PPP2R2B: variants seen among roughly 807,000 people sequenced by gnomAD.
PPP2R2B encodes protein phosphatase 2 regulatory subunit Bbeta, also known as serine/threonine-protein phosphatase 2A 55 kDa regulatory subunit B beta isoform.
In PPP2R2B, 5 loss-of-function variants were observed where a neutral mutation model predicts 46.0. The observed-to-expected ratio is 0.11, with a 90% CI of 0.06 to 0.23. PPP2R2B has a LOEUF of 0.23. Among genes scored for constraint, PPP2R2B ranks in the 10% least tolerant of loss-of-function variants. PPP2R2B has a pLI of 1.00. For synonymous variants in PPP2R2B, 215 were observed against 206.7 expected (o/e 1.04, Z -0.34); for missense variants, 367 against 575.0 (o/e 0.64, Z 3.70).
intron 2 of PPP2R2B, among the ~76,000 whole-genome samples, chr5:146,735,790 C>T (rs932260307): frequency 2.6e-5 from 4 of 152,144 alleles, no homozygotes; most frequent in Admixed American, 2.6e-4. Flanking sequence ...GATATAGCAG[C>T]AGGATCCTAC....
intron 1 of PPP2R2B, among the ~76,000 whole-genome samples, chr5:147,036,730 A>T (rs959329592): frequency 1.3e-5 from 2 of 152,090 alleles, no homozygotes; most frequent in Non-Finnish European, 2.9e-5. Flanking sequence ...ATGGTATTTC[A>T]TTGTGGTTTT....
At chr5:147,029,218 T>G (rs1184151237) in intron 1 of PPP2R2B, among the ~76,000 whole-genome samples, 1 of 152,198 alleles carries the variant, frequency 6.6e-6, no homozygotes, top group Non-Finnish European at 1.5e-5. Context: ...TTAAACGTTT[T>G]AACCTACCTA....
At chr5:146,854,803 C>A (rs1311897512) in intron 2 of PPP2R2B, among the ~76,000 whole-genome samples, 31 of 152,118 alleles carry the variant, frequency 2.0e-4, no homozygotes, top group Admixed American at 2.0e-3. Flanking sequence ...AGGGATTTTT[C>A]AGAAACATTT....
At chr5:146,693,371 C>T (rs140738937) in intron 4 of PPP2R2B, among the ~76,000 whole-genome samples, 50 of 152,124 alleles carry the variant, frequency 3.3e-4, no homozygotes, top group African/African-American at 1.1e-3. Context: ...CATGCCACCA[C>T]GCCCAGAGAA....
At chr5:146,946,339 C>G (rs1224048919) in intron 1 of PPP2R2B, among the ~76,000 whole-genome samples, 1 of 152,086 alleles carries the variant, frequency 6.6e-6, no homozygotes, top group Non-Finnish European at 1.5e-5. Context: ...TATGATAGGA[C>G]AACAGCAAGA....
At chr5:146,963,829 A>G (rs1433706947) in intron 1 of PPP2R2B, among the ~76,000 whole-genome samples, 2 of 152,168 alleles carry the variant, frequency 1.3e-5, no homozygotes, top group Non-Finnish European at 2.9e-5. Flanking sequence ...TCCCTAACTC[A>G]TTGTATTAAA....
At chr5:146,831,046 A>G (rs1334194863) in intron 2 of PPP2R2B, among the ~76,000 whole-genome samples, 1 of 152,148 alleles carries the variant, frequency 6.6e-6, no homozygotes, top group Non-Finnish European at 1.5e-5. Flanking sequence ...CTCTGCTGTC[A>G]GTTGTATAAA....
intron 2 of PPP2R2B, among the ~76,000 whole-genome samples, chr5:147,062,818 T>C (rs1241865291): frequency 2.0e-5 from 3 of 151,922 alleles, no homozygotes; most frequent in African/African-American, 7.2e-5. Flanking sequence ...ACCGTAATCA[T>C]GTAGAAGAAA....
intron 2 of PPP2R2B, among the ~76,000 whole-genome samples, chr5:146,722,039 C>G (rs74620048): frequency 0.015 from 2,238 of 152,210 alleles, 16 homozygotes; most frequent in Non-Finnish European, 0.024. Flanking sequence ...TTATTACTAC[C>G]CCCATTTTAC....
chr5:146,839,591 GTA>G (rs1759505895), intron 2 of PPP2R2B, among the ~76,000 whole-genome samples: 1 of 152,198 alleles, frequency 6.6e-6, no homozygotes, highest in Non-Finnish European at 1.5e-5. Context: ...TGGGAGGTAA[GTA>G]TAAGAACCAG....
rs1269797483 is a variant in PPP2R2B at position 146,582,305 on chromosome 5, G to C, written c.*7642C>G. The C allele has an allele frequency of 6.6e-6, 1 of 152,164 alleles. No homozygotes were observed. Among genetic ancestry groups the C allele is most frequent in the Non-Finnish European group, 1.5e-5 (1 of 68,040 alleles). The allele number at this position is 152,164 out of a possible 1,614,324, so 9.4% of individuals were successfully genotyped here. A position where few individuals can be genotyped will look rare whatever the true frequency, so the allele number is the denominator to read the frequency against. ...TATTTAGTGCTGCAGCCTGGGTGTGGGGGCAATATCTTGGATGTGATAATG... is the reference window on the plus strand; with the variant it reads ...TATTTAGTGCTGCAGCCTGGGTGTGCGGGCAATATCTTGGATGTGATAATG... On this transcript the variant is annotated 3_prime_UTR_variant, in exon 10 of 10. Transcript: ENST00000394411.
chr5:147,065,875 G>C (rs1439874495), intron 2 of PPP2R2B, among the ~76,000 whole-genome samples: 2 of 152,020 alleles, frequency 1.3e-5, no homozygotes, highest in South Asian at 4.2e-4. Flanking sequence ...CTGGGTGCGG[G>C]TCCGTGAGCT....
At chr5:146,854,448 C>A (rs1215783403) in intron 2 of PPP2R2B, among the ~76,000 whole-genome samples, 2 of 152,060 alleles carry the variant, frequency 1.3e-5, no homozygotes, top group Non-Finnish European at 2.9e-5. Context: ...TCTCTTCTGG[C>A]TTCTTTGAAA....
intron 1 of PPP2R2B, among the ~76,000 whole-genome samples, chr5:146,924,225 A>T (rs1268372176): frequency 6.6e-6 from 1 of 152,234 alleles, no homozygotes; most frequent in Non-Finnish European, 1.5e-5. Context: ...AACTTAAAAT[A>T]AAAGTTAAAG....
chr5:146,657,063 C>G (rs1345905363), intron 5 of PPP2R2B, among the ~76,000 whole-genome samples: 5 of 152,208 alleles, frequency 3.3e-5, no homozygotes, highest in African/African-American at 1.2e-4. Context: ...TCCATGACAC[C>G]TAAGTGGGGG....
intron 2 of PPP2R2B, among the ~76,000 whole-genome samples, chr5:146,865,541 G>A (rs1377442655): frequency 6.6e-6 from 1 of 152,032 alleles, no homozygotes; most frequent in Non-Finnish European, 1.5e-5. Context: ...ATTCCCAATA[G>A]AAGGCAAGTT....
exon 1 of PPP2R2B, chr5:147,055,731 A>G: frequency 6.2e-7 from 1 of 1,613,350 alleles, no homozygotes; most frequent in Non-Finnish European, 8.5e-7. Flanking sequence ...AGGTAACGAG[A>G]GAAGCATTTC....
At chr5:146,605,765 T>C (rs1772203056) in intron 7 of PPP2R2B, among the ~76,000 whole-genome samples, 1 of 152,268 alleles carries the variant, frequency 6.6e-6, no homozygotes, top group Non-Finnish European at 1.5e-5. Context: ...ATTTTATTTT[T>C]ATTTGGCAAA....
intron 1 of PPP2R2B, among the ~76,000 whole-genome samples, chr5:147,032,972 A>G (rs1755866373): frequency 6.6e-6 from 1 of 152,188 alleles, no homozygotes; most frequent in African/African-American, 2.4e-5. Flanking sequence ...GTACTAGTTT[A>G]CATTCCCACC....
Sources: allele counts gnomAD v4.1 joint callset (sites outside exome capture counted in the v4.1 genomes callset), GRCh38; gene constraint gnomAD v4.1.1; transcripts MANE v1.5; gene names NCBI Gene and HGNC (gene_info 2026-07-23, HGNC 2026-07-21).